The following DLG2 variants were observed in gnomAD, a reference collection of about 807,000 sequenced individuals.
DLG2 encodes the protein discs large MAGUK scaffold protein 2, also known as disks large homolog 2.
In DLG2, 45 loss-of-function variants were observed where a neutral mutation model predicts 132.5. The observed-to-expected ratio is 0.34, with a 90% CI of 0.27 to 0.44. The LOEUF is 0.44. Ranked by LOEUF, DLG2 falls within the 20% of genes least tolerant of loss-of-function variation. The pLI is 1.00. For synonymous variants in DLG2, 424 were observed against 419.6 expected (o/e 1.01, Z -0.13); for missense variants, 1,045 against 1,196.9 (o/e 0.87, Z 1.87).
chr11:84,843,554 G>T (rs1309093929), intron 6 of DLG2, among the ~76,000 whole-genome samples: 3 of 151,770 alleles, frequency 2.0e-5, no homozygotes, highest in African/African-American at 7.3e-5. Context: ...TTGGGGAGTT[G>T]GTTCCAGGAA....
chr11:84,243,624 T>C (rs2097264184), intron 8 of DLG2, among the ~76,000 whole-genome samples: 1 of 152,192 alleles, frequency 6.6e-6, no homozygotes, highest in Non-Finnish European at 1.5e-5. Flanking sequence ...AGGTCTTTGG[T>C]GGAACTTTAG....
chr11:83,781,204 C>T (rs1029739544), intron 18 of DLG2, among the ~76,000 whole-genome samples: 3 of 152,116 alleles, frequency 2.0e-5, no homozygotes, highest in African/African-American at 7.2e-5. Flanking sequence ...ATTAGCATGG[C>T]TTTCTTGCCC....
At chr11:83,484,379 G>A (rs1591623150) in intron 21 of DLG2, 151 bp from the exon 22 acceptor site, 11 of 597,080 alleles carry the variant, frequency 1.8e-5, no homozygotes, top group Admixed American at 1.7e-4. Context: ...TCTAAAGGTC[G>A]ATTTTATTTT....
At chr11:84,959,079 A>G (rs2052143208) in intron 6 of DLG2, among the ~76,000 whole-genome samples, 1 of 152,194 alleles carries the variant, frequency 6.6e-6, no homozygotes, top group Non-Finnish European at 1.5e-5. Context: ...GCTTCCCACC[A>G]GAGACAAAAT....
chr11:85,161,982 G>C (rs1480201583), intron 4 of DLG2, among the ~76,000 whole-genome samples: 1 of 152,116 alleles, frequency 6.6e-6, no homozygotes, highest in East Asian at 1.9e-4. Context: ...TTTTGCCCCT[G>C]TTCCTGCAAC....
chr11:84,772,041 G>T (rs1400975677), intron 6 of DLG2, among the ~76,000 whole-genome samples: 1 of 151,914 alleles, frequency 6.6e-6, no homozygotes, highest in African/African-American at 2.4e-5. Flanking sequence ...ACCCCCATAG[G>T]CTCAATCAAA....
intron 3 of DLG2, among the ~76,000 whole-genome samples, chr11:85,558,533 A>C (rs937833231): frequency 6.6e-6 from 1 of 151,902 alleles, no homozygotes; most frequent in Non-Finnish European, 1.5e-5. Context: ...AAGACACAGA[A>C]TCAACATAGG....
intron 17 of DLG2, among the ~76,000 whole-genome samples, chr11:83,822,606 G>T (rs1352991107): frequency 6.6e-6 from 1 of 152,162 alleles, no homozygotes; most frequent in African/African-American, 2.4e-5. Context: ...TAACGTGTAA[G>T]GTGCATGGAG....
chr11:85,033,721 C>T (rs2061216708), intron 6 of DLG2, among the ~76,000 whole-genome samples: 1 of 152,104 alleles, frequency 6.6e-6, no homozygotes, highest in Admixed American at 6.5e-5. Flanking sequence ...ATCTAATACA[C>T]AAATAGAGGG....
intron 11 of DLG2, among the ~76,000 whole-genome samples, chr11:83,987,252 G>A (rs1197900491): frequency 6.6e-6 from 1 of 152,048 alleles, no homozygotes; most frequent in South Asian, 2.1e-4. Context: ...AATCAATATT[G>A]TGAAAATGGC....
intron 6 of DLG2, among the ~76,000 whole-genome samples, chr11:84,899,200 G>A (rs780381761): frequency 6.6e-6 from 1 of 152,014 alleles, no homozygotes; most frequent in Non-Finnish European, 1.5e-5. Flanking sequence ...ATGTGTGATG[G>A]TTCTTCAGAT....
intron 3 of DLG2, among the ~76,000 whole-genome samples, chr11:85,362,444 AT>A (rs1249854329): frequency 6.6e-6 from 1 of 151,928 alleles, no homozygotes; most frequent in East Asian, 1.9e-4. Context: ...AATGCTACTG[AT>A]TTTTTTATGT....
chr11:84,611,293 AACAG>A (rs1376193588), intron 6 of DLG2, among the ~76,000 whole-genome samples: 4 of 152,192 alleles, frequency 2.6e-5, no homozygotes, highest in African/African-American at 9.6e-5. Context: ...TGTTAAAGGC[AACAG>A]ACAAAGGTCC....
intron 6 of DLG2, among the ~76,000 whole-genome samples, chr11:84,870,613 T>C (rs1284892208): frequency 6.6e-6 from 1 of 152,222 alleles, no homozygotes; most frequent in Admixed American, 6.5e-5. Flanking sequence ...AGAAGTGAAA[T>C]GCCATACAGA....
intron 21 of DLG2, among the ~76,000 whole-genome samples, chr11:83,493,787 G>A (rs2094003623): frequency 6.6e-6 from 1 of 152,140 alleles, no homozygotes; most frequent in Admixed American, 6.6e-5. Flanking sequence ...GATCAATGCA[G>A]AAACTGGCTT....
chr11:84,808,605 A>G (rs1262928824), intron 6 of DLG2, among the ~76,000 whole-genome samples: 1 of 151,960 alleles, frequency 6.6e-6, no homozygotes, highest in Non-Finnish European at 1.5e-5. Context: ...TAAATTACAA[A>G]TATCAGAAAT....
intron 10 of DLG2, among the ~76,000 whole-genome samples, chr11:84,078,928 A>G (rs564877879): frequency 1.3e-5 from 2 of 152,300 alleles, no homozygotes; most frequent in African/African-American, 4.8e-5. Flanking sequence ...ATTGTCCAAA[A>G]TGGAACTATT....
At chr11:84,005,950 A>G (rs1038788210) in intron 11 of DLG2, among the ~76,000 whole-genome samples, 5 of 151,870 alleles carry the variant, frequency 3.3e-5, no homozygotes, top group Non-Finnish European at 7.4e-5. Context: ...AAGAACTACT[A>G]TACAATCCAG....
At chr11:83,510,225 C>T (rs2094934753) in intron 21 of DLG2, among the ~76,000 whole-genome samples, 1 of 152,042 alleles carries the variant, frequency 6.6e-6, no homozygotes, top group Admixed American at 6.5e-5. Flanking sequence ...CCCTCCCTCC[C>T]TCCCTCCCTC....
Sources: gnomAD v4.1 joint callset for allele counts (sites outside exome capture counted in the v4.1 genomes callset) on GRCh38, gnomAD v4.1.1 for gene constraint, MANE v1.5 for transcripts, NCBI Gene and HGNC (gene_info 2026-07-23, HGNC 2026-07-21) for gene names.